Variants in MRGPRX3 observed in about 807,000 individuals in gnomAD.
MRGPRX3 encodes mas-related G protein-coupled receptor member X3.
In MRGPRX3, 14 loss-of-function variants were observed where a neutral mutation model predicts 16.5. The ratio of observed to expected loss-of-function variants is 0.85; its 90% CI spans 0.56 to 1.33. The LOEUF (loss-of-function observed/expected upper bound fraction) is 1.33, where lower values mean the gene tolerates loss of function less well. MRGPRX3 is among the 40% of genes most tolerant of loss of function. The pLI is 0.00. For synonymous variants in MRGPRX3, 199 were observed against 180.1 expected (o/e 1.10, Z -0.84); for missense variants, 449 against 413.0 (o/e 1.09, Z -0.76).
At chr11:18,131,499 G>C (rs1848960487), upstream of MRGPRX3, among the ~76,000 whole-genome samples, 1 of 152,170 alleles carries the variant, frequency 6.6e-6, no homozygotes, top group Non-Finnish European at 1.5e-5. Context: ...CCTTACTCCT[G>C]CAAGAATGGT....
At chr11:18,127,156 G>A (rs1251892225) in intron 1 of MRGPRX3, among the ~76,000 whole-genome samples, 3 of 152,192 alleles carry the variant, frequency 2.0e-5, no homozygotes, top group African/African-American at 7.2e-5. Context: ...ATTCTGATGG[G>A]CTTCCCTTTG....
Position 18,137,544 on chromosome 11 carries a change from C to A in MRGPRX3, c.342C>A (p.Ser114Arg). The A allele has an allele frequency of 1.2e-6, 2 of 1,614,156 alleles. No homozygotes were observed. Among genetic ancestry groups the A allele is most frequent in the Non-Finnish European group, 8.5e-7 (1 of 1,180,032 alleles). ...FPYFIGLSML[S>R]AISTERCLSI... ...ACTTTATAGGCCTAAGCATGCTGAGCGCCATCAGCACCGAGCGCTGCCTGT... is the reference window on the plus strand; with the variant it reads ...ACTTTATAGGCCTAAGCATGCTGAGAGCCATCAGCACCGAGCGCTGCCTGT... Residue 114 changes from serine (S) to arginine (R), a missense_variant, in exon 2 of 2, where the codon AGC becomes AGA. Coordinates refer to ENST00000621697, the MANE Select transcript of MRGPRX3 (RefSeq NM_001370464.1).
Position 18,137,465 on chromosome 11 carries a change from T to C in MRGPRX3, c.263T>C (p.Ile88Thr). The change falls in exon 2 of 2, where the codon ATC (isoleucine) becomes ACC (threonine). Residue 88 changes from isoleucine to threonine, a missense_variant. Transcript: ENST00000621697. The stretch of plus-strand genomic sequence containing the variant: ...ATTATATGTTCGCCGTTACGCCTCA[T>C]CAATATCCGCCATCCCATCTCCAAA... ...GHIICSPLRL[I>T]NIRHPISKIL... The C allele has an allele frequency of 6.2e-7, 1 of 1,614,188 alleles. No individual in the cohort carries two copies. Among genetic ancestry groups the C allele is most frequent in the Non-Finnish European group, 8.5e-7 (1 of 1,180,034 alleles).
intron 1 of MRGPRX3, among the ~76,000 whole-genome samples, chr11:18,124,710 G>A (rs1310535479): frequency 2.6e-5 from 4 of 152,198 alleles, no homozygotes; most frequent in African/African-American, 4.8e-5. Context: ...CATAAAATGA[G>A]TTAGGGAGGA....
At chr11:18,134,947 C>A (rs1172819624) in intron 1 of MRGPRX3, among the ~76,000 whole-genome samples, 1 of 152,156 alleles carries the variant, frequency 6.6e-6, no homozygotes, top group African/African-American at 2.4e-5. Flanking sequence ...AAAAGGAAAT[C>A]TTGGGGCAAC....
intron 1 of MRGPRX3, among the ~76,000 whole-genome samples, chr11:18,135,591 C>T (rs1379540329): frequency 6.6e-6 from 1 of 152,152 alleles, no homozygotes. Flanking sequence ...TGAATTTGTT[C>T]CTAAATGGCA....
chr11:18,137,595 C>T lies in MRGPRX3; in HGVS notation c.393C>T (p.His131=), dbSNP rs1849023982. 6.2e-7 allele frequency: 1 copy of T among 1,614,032 alleles called. No homozygotes were observed. Among genetic ancestry groups the T allele is most frequent in the South Asian group, 1.1e-5 (1 of 91,076 alleles). ...CCATCCTGTGGCCCATCTGGTACCA[C>T]TGCCGCCGCCCCAGATACCTGTCAT... ...CLSILWPIWY[H]CRRPRYLSSV... is the part of the protein sequence containing the mutation. Residue 131 remains histidine, a synonymous_variant, in exon 2 of 2, where the codon CAC becomes CAT. Coordinates refer to ENST00000621697, the MANE Select transcript of MRGPRX3 (RefSeq NM_001370464.1).
intron 1 of MRGPRX3, among the ~76,000 whole-genome samples, chr11:18,126,793 C>T (rs1445762181): frequency 6.6e-6 from 1 of 152,176 alleles, no homozygotes; most frequent in African/African-American, 2.4e-5. Context: ...TTTCCAGCTT[C>T]ATCCATGTCC....
At chr11:18,123,170 G>A (rs1590301931) in intron 1 of MRGPRX3, among the ~76,000 whole-genome samples, 1 of 152,280 alleles carries the variant, frequency 6.6e-6, no homozygotes, top group South Asian at 2.1e-4. Context: ...TTATTTTGCT[G>A]TGCAGAAGCT....
upstream of MRGPRX3, among the ~76,000 whole-genome samples, chr11:18,130,044 C>T (rs1470344312): frequency 6.6e-6 from 1 of 152,134 alleles, no homozygotes; most frequent in East Asian, 1.9e-4. Flanking sequence ...GTAATAAAAG[C>T]CATATATGAC....
intron 1 of MRGPRX3, among the ~76,000 whole-genome samples, chr11:18,134,013 C>T (rs1848985529): frequency 6.6e-6 from 1 of 152,184 alleles, no homozygotes; most frequent in Non-Finnish European, 1.5e-5. Flanking sequence ...GACTATCCCT[C>T]TCACCTTCTT....
chr11:18,135,608 C>T (rs1422400410), intron 1 of MRGPRX3, among the ~76,000 whole-genome samples: 1 of 152,190 alleles, frequency 6.6e-6, no homozygotes, highest in Non-Finnish European at 1.5e-5. Context: ...GGCACGCACT[C>T]ACCTCTATTT....
chr11:18,137,947 T>C lies in MRGPRX3; in HGVS notation c.745T>C (p.Leu249=), dbSNP rs1849030112. 1 of 1,614,116 alleles carries C rather than the reference T, an allele frequency of 6.2e-7. No homozygotes were observed. The highest frequency in any genetic ancestry group is 1.3e-5 in the African/African-American group (1 of 74,946). The change falls in exon 2 of 2, where the codon TTA becomes CTA. Residue 249 remains leucine (L), a synonymous_variant. Coordinates refer to ENST00000621697, the MANE Select transcript of MRGPRX3 (RefSeq NM_001370464.1). ...CAGGATCCACCTGGATTGGAAAGTC[T>C]TATTTTGTCATGTGCATCTAGTTTC... ...FSRIHLDWKV[L]FCHVHLVSIF... is the part of the protein sequence containing the mutation.
chr11:18,137,113 T>A (rs779092696), intron 1 of MRGPRX3, 65 bp from the exon 2 acceptor site: 7 of 1,453,614 alleles, frequency 4.8e-6, no homozygotes, highest in Non-Finnish European at 6.5e-6. Context: ...AAATCCCACA[T>A]GGCAGGGTGG....
exon 1 of MRGPRX3, chr11:18,120,976 G>A (rs1368309659): frequency 1.1e-5 from 2 of 175,850 alleles, no homozygotes; most frequent in African/African-American, 4.9e-5. Flanking sequence ...AAAGTGAGGA[G>A]CGTCTTTGCC....
upstream of MRGPRX3, among the ~76,000 whole-genome samples, chr11:18,131,533 A>T (rs953809271): frequency 6.6e-6 from 1 of 152,194 alleles, no homozygotes; most frequent in Non-Finnish European, 1.5e-5. Context: ...TCTAAAAATA[A>T]TAGATGTTGG....
At chr11:18,124,504 G>A (rs1366396448) in intron 1 of MRGPRX3, among the ~76,000 whole-genome samples, 3 of 151,986 alleles carry the variant, frequency 2.0e-5, no homozygotes, top group South Asian at 2.1e-4. Flanking sequence ...TGATTTGCGT[G>A]TGTTGAACCA....
Position 18,124,825 on chromosome 11 carries a change from C to G in MRGPRX3, c.-152+3661C>G, listed in dbSNP as rs182504734. Among the ~76,000 whole-genome samples the G allele has an allele frequency of 2.1e-3, 325 of 152,092 alleles. 2 individuals carry two copies. Among genetic ancestry groups the G allele is most frequent in the African/African-American group, 7.7e-3 (319 of 41,502 alleles). ...TGTGAATTCATCTGGTCCTGGACTT[C>G]TTTTGGTTGGTAAGATGTTAATTAT... On this transcript the variant is annotated intron_variant, in intron 1 of 2. Coordinates refer to the MRGPRX3 transcript ENST00000396275.
intron 1 of MRGPRX3, among the ~76,000 whole-genome samples, chr11:18,135,352 T>C (rs1219168248): frequency 1.3e-5 from 2 of 152,228 alleles, no homozygotes; most frequent in Non-Finnish European, 2.9e-5. Context: ...TTTAGTGCTC[T>C]GAGTGTGGAT....
Sources: allele counts gnomAD v4.1 joint callset (sites outside exome capture counted in the v4.1 genomes callset), GRCh38; gene constraint gnomAD v4.1.1; transcripts MANE v1.5; gene names NCBI Gene and HGNC (gene_info 2026-07-23, HGNC 2026-07-21).